DPYD: variants seen among roughly 807,000 people sequenced by gnomAD.
DPYD encodes dihydropyrimidine dehydrogenase.
DPYD carries 109 observed loss-of-function variants against 116.2 expected under a neutral mutation model. The observed-to-expected ratio is 0.94, with a 90% CI of 0.80 to 1.10. The LOEUF (loss-of-function observed/expected upper bound fraction) is 1.10. Ranked by LOEUF, DPYD falls within the 50% of genes least tolerant of loss-of-function variation. The pLI, the probability that DPYD is intolerant of heterozygous loss-of-function variation, is 0.00. For synonymous variants in DPYD, 440 were observed against 432.0 expected (o/e 1.02, Z -0.23); for missense variants, 1,302 against 1,254.5 (o/e 1.04, Z -0.57).
chr1:97,350,270 T>C (rs1670076308), intron 16 of DPYD, among the ~76,000 whole-genome samples: 2 of 152,012 alleles, frequency 1.3e-5, no homozygotes, highest in South Asian at 2.1e-4. Flanking sequence ...ACTCAAACCA[T>C]AGGCTTTTGT....
intron 8 of DPYD, among the ~76,000 whole-genome samples, chr1:97,633,429 C>A (rs776169308): frequency 6.6e-6 from 1 of 152,058 alleles, no homozygotes; most frequent in Non-Finnish European, 1.5e-5. Flanking sequence ...TGCCAACACA[C>A]TGACTGCAAT....
chr1:97,195,634 GTATATATATATA>G lies in DPYD; in HGVS notation c.2443-2398_2443-2387del, dbSNP rs71071637. 7.6e-3 allele frequency among the ~76,000 whole-genome samples: 437 copies of G among 57,562 alleles called. 19 individuals are homozygous for G. The highest frequency in any genetic ancestry group is 0.038 in the South Asian group (56 of 1,482). 37.8% of individuals were successfully genotyped at this position (57,562 alleles called of 152,430 possible). On this transcript the variant is annotated intron_variant, in intron 19 of 22. Transcript: ENST00000370192. ...TATATATGTATGTGTATATGTATGT[GTATATATATATA>G]TATATATATATATATATATATATAT...
chr1:97,296,761 A>C (rs906278819), intron 18 of DPYD, among the ~76,000 whole-genome samples: 1 of 152,134 alleles, frequency 6.6e-6, no homozygotes, highest in African/African-American at 2.4e-5. Context: ...TAAAAAAAAC[A>C]TAAAAATAGG....
intron 2 of DPYD, among the ~76,000 whole-genome samples, chr1:97,845,918 G>C (rs1435466962): frequency 6.6e-6 from 1 of 152,192 alleles, no homozygotes; most frequent in Non-Finnish European, 1.5e-5. Context: ...ATGGAGCCGG[G>C]ACCTGTACCA....
intron 2 of DPYD, among the ~76,000 whole-genome samples, chr1:97,848,636 A>C (rs1336806285): frequency 1.3e-5 from 2 of 152,202 alleles, no homozygotes; most frequent in African/African-American, 2.4e-5. Flanking sequence ...ATAATGCTTA[A>C]TTTGATATGA....
intron 3 of DPYD, among the ~76,000 whole-genome samples, chr1:97,800,101 T>C (rs1408527337): frequency 6.6e-6 from 1 of 151,928 alleles, no homozygotes; most frequent in African/African-American, 2.4e-5. Context: ...TCATATTAAC[T>C]GTAAAATTAG....
At chr1:97,765,922 G>C (rs983838135) in intron 3 of DPYD, among the ~76,000 whole-genome samples, 1 of 152,136 alleles carries the variant, frequency 6.6e-6, no homozygotes, top group East Asian at 1.9e-4. Context: ...CTGGAAGAAT[G>C]GTGACCTGTG....
chr1:97,734,196 C>G (rs150629481), intron 4 of DPYD, among the ~76,000 whole-genome samples: 428 of 152,138 alleles, frequency 2.8e-3, no homozygotes, highest in Non-Finnish European at 4.3e-3. Flanking sequence ...CTTTTAATAT[C>G]TAGGTTAGTC....
intron 18 of DPYD, among the ~76,000 whole-genome samples, chr1:97,297,561 C>T (rs892446440): frequency 3.9e-5 from 6 of 152,176 alleles, no homozygotes; most frequent in African/African-American, 1.4e-4. Context: ...AGCAGGGACA[C>T]TGCATTGAAA....
chr1:97,833,944 A>G (rs1301027738), intron 2 of DPYD, among the ~76,000 whole-genome samples: 1 of 152,124 alleles, frequency 6.6e-6, no homozygotes, highest in Non-Finnish European at 1.5e-5. Context: ...TTTTCACAAA[A>G]GTACATATGC....
chr1:97,544,425 T>C (rs1650674175), intron 12 of DPYD, among the ~76,000 whole-genome samples: 1 of 152,138 alleles, frequency 6.6e-6, no homozygotes, highest in African/African-American at 2.4e-5. Context: ...TTCAACCAAA[T>C]CCAAAATTCT....
At chr1:97,508,545 C>A (rs1570863606) in intron 13 of DPYD, among the ~76,000 whole-genome samples, 2 of 151,932 alleles carry the variant, frequency 1.3e-5, no homozygotes, top group African/African-American at 4.8e-5. Flanking sequence ...AATAGAAAGA[C>A]AAGCATAGGT....
At chr1:97,716,833 C>T (rs1387274979) in intron 5 of DPYD, among the ~76,000 whole-genome samples, 3 of 152,050 alleles carry the variant, frequency 2.0e-5, no homozygotes, top group Non-Finnish European at 4.4e-5. Flanking sequence ...AAGGGAATAT[C>T]ATGGCCTTTA....
At chr1:97,156,958 T>C (rs1489144586) in intron 20 of DPYD, among the ~76,000 whole-genome samples, 83 of 151,660 alleles carry the variant, frequency 5.5e-4, no homozygotes, top group Admixed American at 2.4e-3. Flanking sequence ...TGAGTTCATG[T>C]CCTTTGTAGG....
intron 18 of DPYD, among the ~76,000 whole-genome samples, chr1:97,239,072 T>C (rs1662144594): frequency 6.6e-6 from 1 of 152,200 alleles, no homozygotes; most frequent in Non-Finnish European, 1.5e-5. Flanking sequence ...GCTCTTGTGG[T>C]GGACTAGACT....
intron 5 of DPYD, among the ~76,000 whole-genome samples, chr1:97,701,916 T>C (rs903847821): frequency 6.6e-6 from 1 of 151,802 alleles, no homozygotes; most frequent in Non-Finnish European, 1.5e-5. Context: ...AGTGTTTTTA[T>C]ACATAAGGGG....
At chr1:97,817,203 CA>C (rs1469716850) in intron 3 of DPYD, among the ~76,000 whole-genome samples, 2 of 152,060 alleles carry the variant, frequency 1.3e-5, no homozygotes, top group African/African-American at 4.8e-5. Flanking sequence ...TTATGTAGCC[CA>C]GAAAGCTAAA....
At chr1:97,743,566 T>A (rs1487693156) in intron 3 of DPYD, among the ~76,000 whole-genome samples, 1 of 152,124 alleles carries the variant, frequency 6.6e-6, no homozygotes, top group Non-Finnish European at 1.5e-5. Flanking sequence ...CCATAATAGA[T>A]ATTACAGAGT....
chr1:97,198,956 T>C (rs190979938), intron 19 of DPYD, among the ~76,000 whole-genome samples: 62 of 152,204 alleles, frequency 4.1e-4, no homozygotes, highest in African/African-American at 1.4e-3. Flanking sequence ...CCAAATAGCC[T>C]CCTCCAGGGG....
Sources: gnomAD v4.1 joint callset for allele counts (sites outside exome capture counted in the v4.1 genomes callset) on GRCh38, gnomAD v4.1.1 for gene constraint, MANE v1.5 for transcripts, NCBI Gene and HGNC (gene_info 2026-07-23, HGNC 2026-07-21) for gene names.